The following PRP4K variants were observed in gnomAD, a reference collection of about 807,000 sequenced individuals.
PRP4K encodes the protein pre-mRNA processing factor kinase PRP4K, also known as serine/threonine-protein kinase PRP4 homolog.
chr6:4,041,653 G>GCCT, the PRP4K span, among the ~76,000 whole-genome samples: 1 of 146,174 alleles, frequency 6.8e-6, no homozygotes, highest in African/African-American at 2.6e-5. Context: ...GAGGTTATTA[G>GCCT]CCTCCCTGGG....
At chr6:4,025,493 C>G in the PRP4K span, among the ~76,000 whole-genome samples, 25,958 of 152,110 alleles carry the variant, frequency 0.17, 2,636 homozygotes, top group African/African-American at 0.26. Flanking sequence ...TATGCCTAGC[C>G]CCTGTATAAG....
the PRP4K span, among the ~76,000 whole-genome samples, chr6:4,028,003 C>G: frequency 1.3e-5 from 2 of 152,094 alleles, no homozygotes; most frequent in African/African-American, 4.8e-5. Flanking sequence ...AAATTTTTCT[C>G]AGACTTTTCC....
At chr6:4,032,909 T>A in the PRP4K span, among the ~76,000 whole-genome samples, 1 of 152,236 alleles carries the variant, frequency 6.6e-6, no homozygotes, top group Non-Finnish European at 1.5e-5. Context: ...ACCCAATCCA[T>A]TAACCATGTT....
At chr6:4,047,305 G>C in the PRP4K span, 7 of 1,298,710 alleles carry the variant, frequency 5.4e-6, no homozygotes, top group African/African-American at 1.0e-4. Context: ...ATATTGGTGC[G>C]TATATACATA....
chr6:4,060,909 GAGT>G, the PRP4K span: 2 of 344,974 alleles, frequency 5.8e-6, no homozygotes, highest in Non-Finnish European at 1.1e-5. This position sits in a 1 kb window ranked among gnomAD's most constrained non-coding sequence, Gnocchi z 4.7. Flanking sequence ...GTTATGAAAT[GAGT>G]AGTAATATTG....
the PRP4K span, chr6:4,056,833 C>A: frequency 9.3e-7 from 1 of 1,080,086 alleles, no homozygotes; most frequent in Non-Finnish European, 1.3e-6. Flanking sequence ...TCCTCCCCTA[C>A]ACCTCCATTT....
At chr6:4,046,043 T>C in the PRP4K span, among the ~76,000 whole-genome samples, 2 of 152,248 alleles carry the variant, frequency 1.3e-5, 1 homozygote, top group Admixed American at 1.3e-4. Flanking sequence ...AGTCAGACTT[T>C]GATATTTGAA....
At chr6:4,026,746 GACAA>G in the PRP4K span, among the ~76,000 whole-genome samples, 2 of 152,216 alleles carry the variant, frequency 1.3e-5, no homozygotes, top group South Asian at 2.1e-4. Context: ...GATAGGGAGA[GACAA>G]ACAAGAATTA....
the PRP4K span, among the ~76,000 whole-genome samples, chr6:4,038,528 A>G: frequency 2.6e-5 from 4 of 151,812 alleles, no homozygotes; most frequent in Non-Finnish European, 5.9e-5. Context: ...CCTGACCCCA[A>G]ATGATCCGCT....
At chr6:4,022,026 C>T in the PRP4K span, among the ~76,000 whole-genome samples, 9 of 152,134 alleles carry the variant, frequency 5.9e-5, no homozygotes, top group Non-Finnish European at 1.0e-4. Context: ...ATCTCGTCAC[C>T]TTGTACTCTT....
At chr6:4,040,902 G>T in the PRP4K span, 2 of 1,613,618 alleles carry the variant, frequency 1.2e-6, no homozygotes, top group South Asian at 2.2e-5. Flanking sequence ...AATGAAAGTT[G>T]AGCAGGAATC....
At chr6:4,054,583 T>G in the PRP4K span, among the ~76,000 whole-genome samples, 16 of 152,152 alleles carry the variant, frequency 1.1e-4, no homozygotes, top group Non-Finnish European at 1.9e-4. Flanking sequence ...CTCGGCTCAC[T>G]GCAACCTCCA....
At chr6:4,037,284 A>T in the PRP4K span, 1 of 1,013,602 alleles carries the variant, frequency 9.9e-7, no homozygotes, top group Non-Finnish European at 1.4e-6. Flanking sequence ...ACATTAATCA[A>T]AGTTCACTTT....
the PRP4K span, among the ~76,000 whole-genome samples, chr6:4,054,568 G>C: frequency 1.8e-4 from 27 of 152,070 alleles, no homozygotes; most frequent in Admixed American, 6.5e-5. Context: ...GTGCAATGGC[G>C]TGATCTCGGC....
chr6:4,041,270 A>G, the PRP4K span, among the ~76,000 whole-genome samples: 1 of 152,168 alleles, frequency 6.6e-6, no homozygotes, highest in African/African-American at 2.4e-5. Flanking sequence ...TAGAACTTTG[A>G]GTTTGTGTTA....
the PRP4K span, among the ~76,000 whole-genome samples, chr6:4,036,431 A>G: frequency 3.9e-5 from 6 of 152,180 alleles, no homozygotes; most frequent in Non-Finnish European, 5.9e-5. Context: ...CATGTTACCC[A>G]GGCTGGTCTC....
the PRP4K span, among the ~76,000 whole-genome samples, chr6:4,026,033 C>T: frequency 6.6e-6 from 1 of 152,132 alleles, no homozygotes; most frequent in Non-Finnish European, 1.5e-5. Flanking sequence ...CAGAGTTTTG[C>T]TCTTTTTGCA....
the PRP4K span, chr6:4,037,348 C>A: frequency 0.69 from 989,417 of 1,442,628 alleles, 339,987 homozygotes; most frequent in East Asian, 0.78. Flanking sequence ...AGAAAAAAAT[C>A]ATTTACTTTG....
the PRP4K span, among the ~76,000 whole-genome samples, chr6:4,044,923 C>T: frequency 1.4e-4 from 21 of 148,556 alleles, no homozygotes; most frequent in African/African-American, 5.0e-4. Context: ...AGTGCAGTGG[C>T]GCGATCTCAG....
Sources: allele counts gnomAD v4.1 joint callset (sites outside exome capture counted in the v4.1 genomes callset), GRCh38; gene constraint gnomAD v4.1.1; non-coding constraint Gnocchi (gnomAD v3.1); transcripts MANE v1.5; gene names NCBI Gene and HGNC (gene_info 2026-07-23, HGNC 2026-07-21).